SPC25: variants seen among roughly 807,000 people sequenced by gnomAD.
The protein encoded by SPC25 is SPC25 component of NDC80 kinetochore complex.
SPC25 carries 22 observed loss-of-function variants against 29.6 expected under a neutral mutation model. That is an observed-to-expected ratio of 0.74 (90% confidence interval 0.53 to 1.06). The LOEUF (loss-of-function observed/expected upper bound fraction) is 1.06, where lower values mean the gene tolerates loss of function less well. Among genes scored for constraint, SPC25 ranks in the 50% least tolerant of loss-of-function variants. The pLI, the probability that SPC25 is intolerant of heterozygous loss-of-function variation, is 0.00. For synonymous variants in SPC25, 91 were observed against 90.4 expected (o/e 1.01, Z -0.04); for missense variants, 230 against 255.8 (o/e 0.90, Z 0.69).
intron 3 of SPC25, among the ~76,000 whole-genome samples, chr2:168,882,868 T>C (rs1335658466): frequency 3.9e-5 from 6 of 152,172 alleles, no homozygotes; most frequent in African/African-American, 1.2e-4. Flanking sequence ...AACAGTAAGA[T>C]TTCAATTTTC....
At chr2:168,882,545 T>A (rs1690194572) in intron 3 of SPC25, among the ~76,000 whole-genome samples, 1 of 152,172 alleles carries the variant, frequency 6.6e-6, no homozygotes, top group Non-Finnish European at 1.5e-5. Flanking sequence ...GAGGTTGCAG[T>A]GAGCTGCGAT....
intron 3 of SPC25, among the ~76,000 whole-genome samples, chr2:168,878,320 G>T (rs1269554318): frequency 6.6e-6 from 1 of 152,154 alleles, no homozygotes; most frequent in African/African-American, 2.4e-5. Context: ...CATAGTGAAG[G>T]TGTAATATTA....
At chr2:168,881,983 C>G (rs1046148598) in intron 3 of SPC25, among the ~76,000 whole-genome samples, 1 of 152,054 alleles carries the variant, frequency 6.6e-6, no homozygotes, top group Non-Finnish European at 1.5e-5. Context: ...AGGTAACAAA[C>G]AGAAAATTCA....
chr2:168,887,583 T>C (rs1027299706), intron 3 of SPC25, among the ~76,000 whole-genome samples: 1 of 152,166 alleles, frequency 6.6e-6, no homozygotes, highest in Non-Finnish European at 1.5e-5. Flanking sequence ...AAAGAACATA[T>C]GCCCCATGTA....
chr2:168,871,361 A>G lies in SPC25; in HGVS notation c.*70T>C. The G allele has an allele frequency of 7.6e-7, 1 of 1,308,080 alleles. No individual in the cohort carries two copies. Among genetic ancestry groups the G allele is most frequent in the Non-Finnish European group, 9.9e-7 (1 of 1,013,388 alleles). 81.0% of individuals were successfully genotyped at this position (1,308,080 alleles called of 1,614,324 possible). On this transcript the variant is annotated 3_prime_UTR_variant, in exon 7 of 7. Transcript: ENST00000282074. ...CTAAAACTTAAAGTATAATAATAAT[A>G]AAAACAAGAAAAAAAGAGATATGTA...
chr2:168,867,778 A>C (rs2105817603), downstream of SPC25, among the ~76,000 whole-genome samples: 1 of 152,256 alleles, frequency 6.6e-6, no homozygotes, highest in African/African-American at 2.4e-5. Context: ...CCCCACTGTC[A>C]ACATTAGACA....
chr2:168,871,547 T>C lies in SPC25; in HGVS notation c.559A>G (p.Ser187Gly). The C allele has an allele frequency of 1.3e-6, 2 of 1,527,342 alleles. No individual in the cohort carries two copies. The highest frequency in any genetic ancestry group is 1.2e-5 in the South Asian group (1 of 81,280). 94.6% of individuals were successfully genotyped at this position (1,527,342 alleles called of 1,614,324 possible). A position where few individuals can be genotyped will look rare whatever the true frequency, so the allele number is the denominator to read the frequency against. ...NEARDYEVSD[S>G]APHLEGLAEF... ...GCTAGGCCCTCAAGATGAGGGGCACTATCTGACACTAGAAAAAAAAAAAAA... is the reference window on the plus strand; with the variant it reads ...GCTAGGCCCTCAAGATGAGGGGCACCATCTGACACTAGAAAAAAAAAAAAA... Residue 187 changes from serine (S) to glycine (G), a missense_variant, in exon 7 of 7, where the codon AGT (serine) becomes GGT (glycine). Coordinates refer to ENST00000282074, the MANE Select transcript of SPC25 (RefSeq NM_020675.4).
intron 3 of SPC25, among the ~76,000 whole-genome samples, chr2:168,886,658 C>T (rs1033450575): frequency 2.6e-5 from 4 of 151,872 alleles, no homozygotes. Flanking sequence ...TAGCTGGGAC[C>T]ATAGGCGCCG....
At position 168,871,210 on chromosome 2, in the gene SPC25, G is replaced by T; in HGVS notation, c.*221C>A. On this transcript the variant is annotated 3_prime_UTR_variant, in exon 7 of 7. Coordinates refer to ENST00000282074, the MANE Select transcript of SPC25 (RefSeq NM_020675.4). ...CATCACACAACGGGGACTGTTGTGG[G>T]TTGGGGGAGGGGGGAGGGATAGCAT... 3.9e-6 allele frequency: 1 copy of T among 256,698 alleles called. No individual in the cohort carries two copies. 15.9% of individuals were successfully genotyped at this position (256,698 alleles called of 1,614,324 possible). A position where few individuals can be genotyped will look rare whatever the true frequency, so the allele number is the denominator to read the frequency against.
chr2:168,873,788 G>A (rs1690038639), intron 5 of SPC25, 105 bp from the exon 6 acceptor site: 2 of 607,710 alleles, frequency 3.3e-6, no homozygotes, highest in Non-Finnish European at 5.8e-6. Context: ...ATACAGTCAT[G>A]TAACCAACAT....
At position 168,876,195 on chromosome 2, in the gene SPC25, C is replaced by A; in HGVS notation, c.347-19G>T. The stretch of plus-strand genomic sequence containing the variant: ...GAAATAGCTGATTAAAAAACACACA[C>A]AATATTAAATGTTTTAAATAATAGC... On this transcript the variant is annotated intron_variant, in intron 4 of 6. Transcript: ENST00000282074. The A allele has an allele frequency of 6.8e-7, 1 of 1,473,094 alleles. No homozygotes were observed. The highest frequency in any genetic ancestry group is 1.4e-5 in the South Asian group (1 of 73,950). 91.3% of individuals were successfully genotyped at this position (1,473,094 alleles called of 1,614,324 possible).
intron 4 of SPC25, chr2:168,864,922 T>C: frequency 5.0e-6 from 8 of 1,614,122 alleles, no homozygotes; most frequent in Non-Finnish European, 6.8e-6. Flanking sequence ...CTGCCGCTTA[T>C]GTGGAGGAGT....
At chr2:168,889,621 T>C in intron 1 of SPC25, 88 bp from the exon 2 acceptor site, 2 of 1,380,752 alleles carry the variant, frequency 1.4e-6, no homozygotes, top group Non-Finnish European at 1.9e-6. Flanking sequence ...TTTTGGCAAT[T>C]TGTCCTTTGC....
intron 4 of SPC25, chr2:168,864,904 C>T (rs770528233): frequency 6.2e-7 from 1 of 1,613,970 alleles, no homozygotes; most frequent in South Asian, 1.1e-5. Context: ...GGAAAAAAGG[C>T]CATTTTCCTG....
chr2:168,861,721 T>G (rs1559145026), intron 4 of SPC25, among the ~76,000 whole-genome samples: 1 of 152,228 alleles, frequency 6.6e-6, no homozygotes, highest in Non-Finnish European at 1.5e-5. Flanking sequence ...GACTTGCTAT[T>G]TCATGTATTA....
Position 168,861,950 on chromosome 2 carries a change from T to C in SPC25, n.419+11635A>G, listed in dbSNP as rs760879165. ...ACACAGCATACTAATTACAGCTTTATCTATTTCAGCCCCTGGTGCAGCCCA... is the reference window on the plus strand; with the variant it reads ...ACACAGCATACTAATTACAGCTTTACCTATTTCAGCCCCTGGTGCAGCCCA... On this transcript the variant is annotated intron_variant and non_coding_transcript_variant, in intron 4 of 4. Coordinates refer to the SPC25 transcript ENST00000479309. The C allele has an allele frequency of 3.1e-6, 5 of 1,613,590 alleles. No homozygotes were observed. In the South Asian group the frequency reaches 5.5e-5, roughly 18 times the overall value.
rs145153339 is a variant in SPC25 at position 168,890,399 on chromosome 2, A to G, written c.-96T>C. 3,492 of 985,472 alleles carry G rather than the reference A, an allele frequency of 3.5e-3. 99 individuals carry two copies. The African/African-American group carries it at 0.056, about 16-fold the overall frequency. The allele number at this position is 985,472 out of a possible 1,614,324, so 61.0% of individuals were successfully genotyped here. A position where few individuals can be genotyped will look rare whatever the true frequency, so the allele number is the denominator to read the frequency against. On this transcript the variant is annotated 5_prime_UTR_variant, in exon 1 of 7. Coordinates refer to ENST00000282074, the MANE Select transcript of SPC25 (RefSeq NM_020675.4). Reference sequence around the variant, plus strand: ...TAGCCAACAGCCGGACTCTAGGCTCAGCTCCCGCAGCCCCGCCAACTTTCC... The same window carrying G: ...TAGCCAACAGCCGGACTCTAGGCTCGGCTCCCGCAGCCCCGCCAACTTTCC...
At chr2:168,875,604 T>C (rs1690071195) in intron 5 of SPC25, among the ~76,000 whole-genome samples, 1 of 152,128 alleles carries the variant, frequency 6.6e-6, no homozygotes, top group South Asian at 2.1e-4. Flanking sequence ...CGGTTGAACA[T>C]GGGTAACAGA....
chr2:168,863,034 A>G (rs2105802166), intron 4 of SPC25, among the ~76,000 whole-genome samples: 1 of 151,934 alleles, frequency 6.6e-6, no homozygotes, highest in South Asian at 2.1e-4. Flanking sequence ...TAAAAGACAG[A>G]CATACTTCCC....
Sources: gnomAD v4.1 joint callset for allele counts (sites outside exome capture counted in the v4.1 genomes callset) on GRCh38, gnomAD v4.1.1 for gene constraint, MANE v1.5 for transcripts, NCBI Gene and HGNC (gene_info 2026-07-23, HGNC 2026-07-21) for gene names.